The following ITGAM variants were observed in gnomAD, a reference collection of about 807,000 sequenced individuals.
ITGAM encodes the protein integrin subunit alpha M.
In ITGAM, 79 loss-of-function variants were observed where a neutral mutation model predicts 137.5. The observed-to-expected ratio is 0.57, with a 90% CI of 0.48 to 0.69. The LOEUF is 0.69. Ranked by LOEUF, ITGAM falls within the 30% of genes least tolerant of loss-of-function variation. ITGAM has a pLI of 0.00. For synonymous variants in ITGAM, 583 were observed against 592.3 expected (o/e 0.98, Z 0.23); for missense variants, 1,343 against 1,483.5 (o/e 0.91, Z 1.56).
intron 12 of ITGAM, among the ~76,000 whole-genome samples, chr16:31,294,672 A>T (rs1043609993): frequency 6.6e-6 from 1 of 152,098 alleles, no homozygotes; most frequent in African/African-American, 2.4e-5. Context: ...GTGTTCATCA[A>T]GAATATTGGC....
chr16:31,267,068 A>T (rs1256829039), intron 5 of ITGAM, among the ~76,000 whole-genome samples: 2 of 151,962 alleles, frequency 1.3e-5, no homozygotes, highest in Non-Finnish European at 2.9e-5. Context: ...GGGTTTCACC[A>T]TGTTGGCCAG....
At chr16:31,317,379 G>A (rs548114053) in intron 14 of ITGAM, among the ~76,000 whole-genome samples, 1 of 152,258 alleles carries the variant, frequency 6.6e-6, no homozygotes, top group South Asian at 2.1e-4. Context: ...TTGTGTGATG[G>A]TATTTGTAGA....
chr16:31,313,280 G>A (rs2080355072), intron 14 of ITGAM, among the ~76,000 whole-genome samples: 1 of 152,138 alleles, frequency 6.6e-6, no homozygotes. Flanking sequence ...TTGTTACCTA[G>A]GTATACAAGT....
intron 12 of ITGAM, among the ~76,000 whole-genome samples, chr16:31,278,745 T>A (rs943533579): frequency 2.0e-5 from 3 of 152,240 alleles, no homozygotes; most frequent in Non-Finnish European, 4.4e-5. Context: ...ATTTTATTTT[T>A]ATTTTATTAT....
At position 31,271,846 on chromosome 16, in the gene ITGAM, G is replaced by A. The variant is rs2079843761; in HGVS notation, c.559-1G>A. ...CATCACACCAGCCGCCCCCTCCGCAGTTCTCTTTGATGCAGTACTCTGAAG... is the reference window on the plus strand; with the variant it reads ...CATCACACCAGCCGCCCCCTCCGCAATTCTCTTTGATGCAGTACTCTGAAG... On this transcript the variant is annotated splice_acceptor_variant, in intron 6 of 29. Transcript: ENST00000544665. LOFTEE classifies it high-confidence loss of function. 5 of 1,614,004 alleles carry A rather than the reference G, an allele frequency of 3.1e-6. No homozygotes were observed. Among genetic ancestry groups the A allele is most frequent in the Non-Finnish European group, 4.2e-6 (5 of 1,179,864 alleles).
chr16:31,263,061 C>T (rs1436603920), intron 2 of ITGAM, among the ~76,000 whole-genome samples: 1 of 152,178 alleles, frequency 6.6e-6, no homozygotes, highest in Non-Finnish European at 1.5e-5. Flanking sequence ...CCTGCCTCAG[C>T]CTCCTGAGTA....
In ITGAM at chr16:31,324,325, G is replaced by C. The variant is rs758072974; in HGVS notation, c.2003-74G>C. On this transcript the variant is annotated intron_variant, in intron 16 of 29. Coordinates refer to ENST00000544665, the MANE Select transcript of ITGAM (RefSeq NM_000632.4). The surrounding 1 kb of genome is among the most constrained non-coding windows in gnomAD (Gnocchi z 4.5). ...AGTCACACAGCTGAGAAGCAGAGGA[G>C]CTGGGCCTTGAACTCCCATCTGCCG... The C allele has an allele frequency of 1.1e-4, 148 of 1,289,336 alleles. No individual in the cohort carries two copies. The highest frequency in any genetic ancestry group is 1.6e-4 in the Non-Finnish European group (144 of 914,414). 79.9% of individuals were successfully genotyped at this position (1,289,336 alleles called of 1,614,324 possible). A position where few individuals can be genotyped will look rare whatever the true frequency, so the allele number is the denominator to read the frequency against.
intron 22 of ITGAM, among the ~76,000 whole-genome samples, chr16:31,327,549 G>T (rs2080520591): frequency 6.6e-6 from 1 of 151,962 alleles, no homozygotes; most frequent in South Asian, 2.1e-4. Context: ...AGCTGAGATG[G>T]TGCCACTGCA....
chr16:31,263,459 C>T (rs1298597293), intron 2 of ITGAM, among the ~76,000 whole-genome samples: 2 of 152,206 alleles, frequency 1.3e-5, no homozygotes, highest in Admixed American at 1.3e-4. Flanking sequence ...GCAATTTACA[C>T]TCACACCAGA....
chr16:31,321,684 C>A, intron 16 of ITGAM, 57 bp downstream of exon 16: 1 of 1,539,460 alleles, frequency 6.5e-7, no homozygotes, highest in Non-Finnish European at 8.9e-7. Flanking sequence ...TGAATGGGTG[C>A]TGCAATCCAC....
At position 31,271,081 on chromosome 16, in the gene ITGAM, C is replaced by A; in HGVS notation, c.555C>A (p.Thr185=). 6.4e-7 allele frequency: 1 copy of A among 1,562,956 alleles called. No homozygotes were observed. The stretch of plus-strand genomic sequence containing the variant: ...TGGAGCAATTAAAAAAGTCCAAAAC[C>A]TTGGTGAGGGCCCAGGGGTAGGTTA... ...TVMEQLKKSK[T]LFSLMQYSEE... Residue 185 remains threonine, a synonymous_variant, in exon 6 of 30, where the codon ACC becomes ACA. Coordinates refer to ENST00000544665, the MANE Select transcript of ITGAM (RefSeq NM_000632.4).
At chr16:31,331,050 T>A in intron 28 of ITGAM, 115 bp from the exon 29 acceptor site, 2 of 627,062 alleles carry the variant, frequency 3.2e-6, no homozygotes, top group Non-Finnish European at 5.8e-6. Flanking sequence ...AGGGCTGGGG[T>A]TCTGGGGGAC....
chr16:31,275,537 C>G lies in ITGAM; in HGVS notation c.859-12C>G. 6.2e-7 allele frequency: 1 copy of G among 1,613,438 alleles called. No individual in the cohort carries two copies. The highest frequency in any genetic ancestry group is 8.5e-7 in the Non-Finnish European group (1 of 1,179,486). ...CTCACACCATGATTTAGCCTCTGTT[C>G]CTTGGTAACAGGTGGGAGATGCCTT... On this transcript the variant is annotated splice_polypyrimidine_tract_variant and intron_variant, in intron 8 of 29. Transcript: ENST00000544665.
intron 1 of ITGAM, among the ~76,000 whole-genome samples, chr16:31,260,911 G>A (rs1361462765): frequency 2.6e-5 from 4 of 152,162 alleles, no homozygotes; most frequent in African/African-American, 2.4e-5. Flanking sequence ...TTGTAAACCC[G>A]TATTACAAAC....
At chr16:31,260,394 G>A (rs1350934317) in intron 1 of ITGAM, among the ~76,000 whole-genome samples, 1 of 152,132 alleles carries the variant, frequency 6.6e-6, no homozygotes, top group Admixed American at 6.6e-5. Flanking sequence ...GTGCGCAGCA[G>A]GTGTGAGACC....
At position 31,328,215 on chromosome 16, in the gene ITGAM, A is replaced by C; in HGVS notation, c.2777A>C (p.Tyr926Ser). The C allele has an allele frequency of 6.2e-7, 1 of 1,613,956 alleles. No homozygotes were observed. The highest frequency in any genetic ancestry group is 8.5e-7 in the Non-Finnish European group (1 of 1,179,828). Residue 926 changes from tyrosine (Y) to serine (S), a missense_variant, in exon 23 of 30, where the codon TAC becomes TCC. Tyr to Ser is a moderately radical substitution (Grantham distance 144). Coordinates refer to ENST00000544665, the MANE Select transcript of ITGAM (RefSeq NM_000632.4). Reference protein sequence around the residue: ...QLELPVKYAVYMVVTSHGVST... With the variant: ...QLELPVKYAVSMVVTSHGVST... Reference sequence around the variant, plus strand: ...GAGCTGCCGGTGAAATATGCTGTCTACATGGTGGTCACCAGGTGCTGGCTT... The same window carrying C: ...GAGCTGCCGGTGAAATATGCTGTCTCCATGGTGGTCACCAGGTGCTGGCTT...
Position 31,330,609 on chromosome 16 carries a change from C to G in ITGAM, c.3276+4C>G, listed in dbSNP as rs1321214660. 6.3e-7 allele frequency: 1 copy of G among 1,598,700 alleles called. No homozygotes were observed. The highest frequency in any genetic ancestry group is 1.3e-5 in the African/African-American group (1 of 74,692). On this transcript the variant is annotated splice_donor_region_variant and intron_variant, in intron 28 of 29. Transcript: ENST00000544665. ...GGGGGCGTTTGTGAGGTCCCAGGTA[C>G]CTGTCTTGGGCGCTGAGGAACTATT... is the stretch of plus-strand genomic sequence containing the variant.
At chr16:31,265,624 C>T in intron 3 of ITGAM, 126 bp downstream of exon 3, 3 of 745,952 alleles carry the variant, frequency 4.0e-6, no homozygotes, top group Non-Finnish European at 6.6e-6. Context: ...ACCCTCTCCT[C>T]TGCCTGCAGT....
At chr16:31,295,162 T>C (rs552291573) in intron 12 of ITGAM, among the ~76,000 whole-genome samples, 47 of 152,316 alleles carry the variant, frequency 3.1e-4, no homozygotes, top group Admixed American at 1.6e-3. Flanking sequence ...TCAGGAATTA[T>C]GATGCCTCCA....
Sources: allele counts gnomAD v4.1 joint callset (sites outside exome capture counted in the v4.1 genomes callset), GRCh38; gene constraint gnomAD v4.1.1; non-coding constraint Gnocchi (gnomAD v3.1); transcripts MANE v1.5; gene names NCBI Gene and HGNC (gene_info 2026-07-23, HGNC 2026-07-21).